Variants in ITGA9 observed in about 807,000 individuals in gnomAD.
The protein encoded by ITGA9 is integrin subunit alpha 9.
Under a neutral mutation model 127.8 loss-of-function variants are expected in ITGA9, and 56 were observed. The observed-to-expected ratio is 0.44, with a 90% confidence interval of 0.35 to 0.55. The LOEUF is 0.55. Among genes scored for constraint, ITGA9 ranks in the 20% least tolerant of loss-of-function variants. ITGA9 has a pLI of 0.00. For synonymous variants in ITGA9, 508 were observed against 514.5 expected (o/e 0.99, Z 0.17); for missense variants, 1,196 against 1,347.1 (o/e 0.89, Z 1.76).
chr3:37,577,714 C>T (rs1699667051), intron 15 of ITGA9, among the ~76,000 whole-genome samples: 1 of 152,226 alleles, frequency 6.6e-6, no homozygotes, highest in African/African-American at 2.4e-5. Flanking sequence ...ATTAATAAAA[C>T]CTTCCATTTC....
intron 15 of ITGA9, among the ~76,000 whole-genome samples, chr3:37,567,150 A>G (rs984781507): frequency 7.2e-5 from 11 of 152,256 alleles, no homozygotes; most frequent in Non-Finnish European, 1.0e-4. Context: ...ACAGTTCCAC[A>G]TGACTGGGGA....
Position 37,737,062 on chromosome 3 carries a change from T to C in ITGA9, c.2234+79T>C, listed in dbSNP as rs1034349413. 1.4e-5 allele frequency: 13 copies of C among 943,218 alleles called. No individual in the cohort carries two copies. In the African/African-American group the frequency reaches 2.0e-4, roughly 14 times the overall value. 58.4% of individuals were successfully genotyped at this position (943,218 alleles called of 1,614,324 possible). On this transcript the variant is annotated intron_variant, in intron 20 of 27. Transcript: ENST00000264741. ...GAAAGGATGTGTCCTGGTTAAGCTTTGATGAATCCCAGGATGCTGAGGAGG... is the reference window on the plus strand; with the variant it reads ...GAAAGGATGTGTCCTGGTTAAGCTTCGATGAATCCCAGGATGCTGAGGAGG...
intron 26 of ITGA9, among the ~76,000 whole-genome samples, chr3:37,793,657 C>T (rs1013008056): frequency 2.2e-4 from 33 of 151,916 alleles, no homozygotes; most frequent in African/African-American, 7.3e-4. Context: ...ATCATGTAAG[C>T]AGTTTATTTA....
intron 1 of ITGA9, among the ~76,000 whole-genome samples, chr3:37,460,653 G>A (rs541278077): frequency 6.8e-5 from 10 of 146,448 alleles, no homozygotes; most frequent in African/African-American, 2.3e-4. Context: ...GCAGTGGTGC[G>A]ATCTCGGCTC....
chr3:37,493,068 A>G (rs1291010229), intron 4 of ITGA9, among the ~76,000 whole-genome samples: 2 of 152,184 alleles, frequency 1.3e-5, no homozygotes, highest in South Asian at 2.1e-4. Context: ...TAATAACCGG[A>G]CAAGGCGGGA....
At chr3:37,601,684 A>G (rs1200757012) in intron 15 of ITGA9, among the ~76,000 whole-genome samples, 4 of 152,342 alleles carry the variant, frequency 2.6e-5, no homozygotes, top group South Asian at 4.1e-4. Context: ...TCTGACATCA[A>G]TCAAACTTGA....
chr3:37,748,132 A>G, intron 22 of ITGA9: 2 of 491,004 alleles, frequency 4.1e-6, no homozygotes, highest in African/African-American at 2.0e-5. Flanking sequence ...AAAGGGAAAG[A>G]GGAAAGGCAC....
At position 37,533,480 on chromosome 3, in the gene ITGA9, C is replaced by A. The variant is rs1245858936; in HGVS notation, c.1528+12C>A. 1.5e-5 allele frequency: 25 copies of A among 1,613,474 alleles called. No homozygotes were observed. The highest frequency in any genetic ancestry group is 2.0e-5 in the Non-Finnish European group (24 of 1,179,756). ...TCCAGGAGAGATTGGTAATGAGCCA[C>A]CAAGTCAGGGCTCAGGATACCCGTT... On this transcript the variant is annotated intron_variant, in intron 14 of 27. Transcript: ENST00000264741.
rs1283414491 is a variant in ITGA9 at position 37,821,297 on chromosome 3, CTT to C, written c.*2309_*2310del. 2 of 152,228 alleles carry C rather than the reference CTT, an allele frequency of 1.3e-5. No homozygotes were observed. Among genetic ancestry groups the C allele is most frequent in the Non-Finnish European group, 2.9e-5 (2 of 68,120 alleles). The allele number at this position is 152,228 out of a possible 1,614,324, so 9.4% of individuals were successfully genotyped here. ...TATCAAAAGCAGCAAGAAAAGCAGT[CTT>C]GGGTGGGTTTTATCACTTATTAACA... On this transcript the variant is annotated 3_prime_UTR_variant, in exon 28 of 28. Transcript: ENST00000264741.
intron 3 of ITGA9, among the ~76,000 whole-genome samples, chr3:37,480,291 CTG>C (rs1216123826): frequency 1.3e-5 from 2 of 152,178 alleles, no homozygotes; most frequent in African/African-American, 4.8e-5. Context: ...GCTCCAGTGT[CTG>C]TTAGCAGAGC....
chr3:37,513,788 T>C lies in ITGA9; in HGVS notation c.923T>C (p.Leu308Ser). ...KKMGSYFGSS[L>S]CAVDLNGDGL... ...ATGGGCTCTTACTTCGGCTCCTCCT[T>C]GTGCGCAGTTGACCTGAATGGGGAC... The change falls in exon 9 of 28, where the codon TTG becomes TCG. Residue 308 changes from leucine (L) to serine (S), a missense_variant. Coordinates refer to ENST00000264741, the MANE Select transcript of ITGA9 (RefSeq NM_002207.3). 6.2e-7 allele frequency: 1 copy of C among 1,614,128 alleles called. No individual in the cohort carries two copies. Among genetic ancestry groups the C allele is most frequent in the Non-Finnish European group, 8.5e-7 (1 of 1,180,026 alleles).
intron 15 of ITGA9, among the ~76,000 whole-genome samples, chr3:37,628,394 G>A (rs1700197790): frequency 1.3e-5 from 2 of 152,186 alleles, no homozygotes; most frequent in Admixed American, 6.5e-5. Context: ...GTGCAGAAAA[G>A]CCAAGAGCTC....
intron 11 of ITGA9, 31 bp from the exon 12 acceptor site, chr3:37,523,490 T>C (rs1443001034): frequency 6.5e-7 from 1 of 1,546,542 alleles, no homozygotes. Context: ...GGTCTTTTCC[T>C]GTGACTCCAT....
At chr3:37,735,704 C>G (rs1307760814) in intron 19 of ITGA9, among the ~76,000 whole-genome samples, 1 of 152,184 alleles carries the variant, frequency 6.6e-6, no homozygotes, top group African/African-American at 2.4e-5. Context: ...TCACACATGC[C>G]TGACATGTAT....
intron 18 of ITGA9, among the ~76,000 whole-genome samples, chr3:37,687,591 A>G (rs1700793900): frequency 6.6e-6 from 1 of 152,222 alleles, no homozygotes; most frequent in African/African-American, 2.4e-5. Flanking sequence ...AATTTTAAGG[A>G]TATGAAAATG....
At chr3:37,812,086 C>T (rs1187139752) in intron 27 of ITGA9, among the ~76,000 whole-genome samples, 1 of 152,254 alleles carries the variant, frequency 6.6e-6, no homozygotes, top group East Asian at 1.9e-4. Flanking sequence ...CTTGCTTCTC[C>T]TCCAAAGAAA....
At chr3:37,750,616 C>A in intron 23 of ITGA9, 47 bp downstream of exon 23, 1 of 1,371,878 alleles carries the variant, frequency 7.3e-7, no homozygotes, top group Non-Finnish European at 1.0e-6. Context: ...TTTGAGCCAG[C>A]CCATTCAAAT....
chr3:37,738,817 C>G (rs1245335863), intron 20 of ITGA9, among the ~76,000 whole-genome samples: 1 of 152,218 alleles, frequency 6.6e-6, no homozygotes, highest in Non-Finnish European at 1.5e-5. Flanking sequence ...CCTGCCTCCA[C>G]CTAATTCAGG....
intron 15 of ITGA9, among the ~76,000 whole-genome samples, chr3:37,618,251 T>C (rs1336404936): frequency 6.6e-6 from 1 of 152,232 alleles, no homozygotes; most frequent in Non-Finnish European, 1.5e-5. Flanking sequence ...TGCCTGGGTA[T>C]CAGCAGCGGA....
Sources: allele counts gnomAD v4.1 joint callset (sites outside exome capture counted in the v4.1 genomes callset), GRCh38; gene constraint gnomAD v4.1.1; transcripts MANE v1.5; gene names NCBI Gene and HGNC (gene_info 2026-07-23, HGNC 2026-07-21).